The following FOXN4 variants were observed in gnomAD, a reference collection of about 807,000 sequenced individuals.
The protein encoded by FOXN4 is forkhead box protein N4.
In FOXN4, 12 loss-of-function variants were observed where a neutral mutation model predicts 45.0. The observed-to-expected ratio is 0.27, with a 90% CI of 0.17 to 0.43. The LOEUF (loss-of-function observed/expected upper bound fraction) is 0.43, where lower values mean the gene tolerates loss of function less well. FOXN4 is among the 20% of genes least tolerant of loss of function. The probability of loss-of-function intolerance (pLI) is 1.00; values close to 1 mark genes in which losing one functional copy is unlikely to be tolerated. For missense variants in FOXN4, 560 were observed against 694.9 expected, an observed-to-expected ratio of 0.81 and a Z score of 2.18; for synonymous variants, 297 against 295.0, an observed-to-expected ratio of 1.01 and a Z score of -0.07.
chr12:109,279,629 C>A lies in FOXN4; in HGVS notation c.*42G>T. 2 of 1,556,296 alleles carry A rather than the reference C, an allele frequency of 1.3e-6. No homozygotes were observed. The highest frequency in any genetic ancestry group is 1.2e-5 in the South Asian group (1 of 84,194). Reference sequence around the variant, plus strand: ...ACCCTGTTCTAGTCAGTTCTCTGCCCAAGCCGGGTGCCGGGGTTCCAGGGC... The same window carrying A: ...ACCCTGTTCTAGTCAGTTCTCTGCCAAAGCCGGGTGCCGGGGTTCCAGGGC... On this transcript the variant is annotated 3_prime_UTR_variant, in exon 10 of 10. Transcript: ENST00000299162.
At chr12:109,297,249 A>C (rs1366694288) in intron 2 of FOXN4, among the ~76,000 whole-genome samples, 1 of 152,278 alleles carries the variant, frequency 6.6e-6, no homozygotes, top group Non-Finnish European at 1.5e-5. Context: ...TCAGATCAGC[A>C]GCGGCATTAG....
intron 2 of FOXN4, among the ~76,000 whole-genome samples, chr12:109,299,963 T>A (rs2047854935): frequency 6.6e-6 from 1 of 152,222 alleles, no homozygotes; most frequent in Non-Finnish European, 1.5e-5. Context: ...GGCCTAGATC[T>A]GGCCACTTAG....
chr12:109,309,268 T>C lies in FOXN4; in HGVS notation c.-153A>G, dbSNP rs1435929420. On this transcript the variant is annotated 5_prime_UTR_variant, in exon 1 of 10. Transcript: ENST00000299162. The surrounding 1 kb of genome is among the most constrained non-coding windows in gnomAD (Gnocchi z 5.0). ...GTTTTTAAATTTCCCTCTCTGGAGCTGTCCAGCTCAGAGCATGCGCAGTAG... is the reference window on the plus strand; with the variant it reads ...GTTTTTAAATTTCCCTCTCTGGAGCCGTCCAGCTCAGAGCATGCGCAGTAG... 6.6e-6 allele frequency: 1 copy of C among 152,174 alleles called. No homozygotes were observed. The highest frequency in any genetic ancestry group is 2.4e-5 in the African/African-American group (1 of 41,438). The allele number at this position is 152,174 out of a possible 1,614,324, so 9.4% of individuals were successfully genotyped here.
Position 109,287,640 on chromosome 12 carries a change from G to T in FOXN4, c.469-116C>A. 1 of 1,346,754 alleles carries T rather than the reference G, an allele frequency of 7.4e-7. No individual in the cohort carries two copies. Among genetic ancestry groups the T allele is most frequent in the Non-Finnish European group, 9.9e-7 (1 of 1,006,406 alleles). The allele number at this position is 1,346,754 out of a possible 1,614,324, so 83.4% of individuals were successfully genotyped here. On this transcript the variant is annotated intron_variant, in intron 5 of 9. Coordinates refer to ENST00000299162, the MANE Select transcript of FOXN4 (RefSeq NM_213596.3). The surrounding 1 kb of genome is among the most constrained non-coding windows in gnomAD (Gnocchi z 4.1). The stretch of plus-strand genomic sequence containing the variant: ...CCAGTTTCAAAACACCTTGTGTGGG[G>T]ATTCACAACCGTCCAGGAAACAATC...
chr12:109,287,251 T>C lies in FOXN4; in HGVS notation c.596+146A>G. 1 of 1,121,588 alleles carries C rather than the reference T, an allele frequency of 8.9e-7. No individual in the cohort carries two copies. The highest frequency in any genetic ancestry group is 1.3e-6 in the Non-Finnish European group (1 of 796,026). 69.5% of individuals were successfully genotyped at this position (1,121,588 alleles called of 1,614,324 possible). A position where few individuals can be genotyped will look rare whatever the true frequency, so the allele number is the denominator to read the frequency against. ...TATGATGCGCCTTCCTGAGAACAAG[T>C]CCCACCTGGGGGTTCCCCACTCCCC... is the stretch of plus-strand genomic sequence containing the variant. On this transcript the variant is annotated intron_variant, in intron 6 of 9. Transcript: ENST00000299162. This position sits in a 1 kb window ranked among gnomAD's most constrained non-coding sequence, Gnocchi z 4.1.
At position 109,279,892 on chromosome 12, in the gene FOXN4, A is replaced by G. The variant is rs10774641; in HGVS notation, c.1333T>C (p.Leu445=). The G allele has an allele frequency of 0.44, 702,293 of 1,613,654 alleles. 157,414 individuals carry two copies. The highest frequency in any genetic ancestry group is 0.46 in the Non-Finnish European group (546,846 of 1,179,746). ...TCTGCAAAGGCGCCCAGTGTGTCCA[A>G]GCTGAATCCCTCATCCTTCATCTCC... ...WEEMKDEGFS[L]DTLGAFADSP... The change falls in exon 10 of 10, where the codon TTG becomes CTG. Residue 445 remains leucine (L), a synonymous_variant. Coordinates refer to ENST00000299162, the MANE Select transcript of FOXN4 (RefSeq NM_213596.3).
In FOXN4 at chr12:109,279,846, A is replaced by G. The variant is rs1461397219; in HGVS notation, c.1379T>C (p.Leu460Pro). 2 of 1,613,886 alleles carry G rather than the reference A, an allele frequency of 1.2e-6. No individual in the cohort carries two copies. The highest frequency in any genetic ancestry group is 1.1e-5 in the South Asian group (1 of 91,046). Residue 460 changes from leucine to proline, a missense_variant, in exon 10 of 10, where the codon CTG becomes CCG. Transcript: ENST00000299162. ...GGCAGGGGTTAGGCCTGAGGCCCCC[A>G]GGTCACAGCCAAGCGGGGAGTCTGC... ...AFADSPLGCD[L>P]GASGLTPASG...
intron 8 of FOXN4, 71 bp downstream of exon 8, chr12:109,285,233 C>A: frequency 6.8e-7 from 1 of 1,481,004 alleles, no homozygotes; most frequent in Non-Finnish European, 9.1e-7. Context: ...TCGGCCAGGT[C>A]CTTCCTCTTC....
At chr12:109,283,788 A>G (rs1555241743) in intron 8 of FOXN4, among the ~76,000 whole-genome samples, 1 of 152,174 alleles carries the variant, frequency 6.6e-6, no homozygotes, top group Non-Finnish European at 1.5e-5. Flanking sequence ...ACATTTATTT[A>G]TGTTCCAAAA....
chr12:109,296,713 C>T (rs2047821021), intron 2 of FOXN4, among the ~76,000 whole-genome samples: 1 of 152,188 alleles, frequency 6.6e-6, no homozygotes, highest in African/African-American at 2.4e-5. Context: ...AGGAGCCAAA[C>T]TCCCAGTGCC....
intron 2 of FOXN4, among the ~76,000 whole-genome samples, chr12:109,307,713 C>T (rs765524650): frequency 1.3e-5 from 2 of 152,160 alleles, no homozygotes; most frequent in African/African-American, 2.4e-5. Context: ...CTAGAAGAAA[C>T]CTTAAGATCA....
chr12:109,304,234 A>T (rs1436776769), intron 2 of FOXN4, among the ~76,000 whole-genome samples: 2 of 57,358 alleles, frequency 3.5e-5, no homozygotes, highest in African/African-American at 1.5e-4. Flanking sequence ...AAAGAAAGAA[A>T]GAAAGAAAGA....
intron 7 of FOXN4, 44 bp from the exon 8 acceptor site, chr12:109,285,555 T>TC: frequency 1.9e-6 from 3 of 1,605,680 alleles, no homozygotes; most frequent in Middle Eastern, 1.6e-4. Context: ...TGTAAGCCCT[T>TC]CCCCCTACCC....
intron 2 of FOXN4, among the ~76,000 whole-genome samples, chr12:109,297,901 T>C (rs569842064): frequency 6.6e-6 from 1 of 152,130 alleles, no homozygotes; most frequent in East Asian, 1.9e-4. Flanking sequence ...ATCAGCCACG[T>C]TTGAAGTGCT....
chr12:109,288,302 T>A lies in FOXN4; in HGVS notation c.233-122A>T. On this transcript the variant is annotated intron_variant, in intron 3 of 9. Transcript: ENST00000299162. The surrounding 1 kb of genome is among the most constrained non-coding windows in gnomAD (Gnocchi z 4.3). Reference sequence around the variant, plus strand: ...AGCCCCTTTCCTCGGACCAGGCACATAGTAGGTGCTTGGCAAATCACTTCC... The same window carrying A: ...AGCCCCTTTCCTCGGACCAGGCACAAAGTAGGTGCTTGGCAAATCACTTCC... 3.7e-6 allele frequency: 5 copies of A among 1,353,900 alleles called. No individual in the cohort carries two copies. Among genetic ancestry groups the A allele is most frequent in the Non-Finnish European group, 4.9e-6 (5 of 1,015,330 alleles). The allele number at this position is 1,353,900 out of a possible 1,614,324, so 83.9% of individuals were successfully genotyped here.
At chr12:109,301,036 G>A (rs1467473797) in intron 2 of FOXN4, among the ~76,000 whole-genome samples, 1 of 152,206 alleles carries the variant, frequency 6.6e-6, no homozygotes, top group African/African-American at 2.4e-5. Context: ...TGGAGTCCAT[G>A]GCTTCCATCC....
chr12:109,301,652 G>A (rs1030188549), intron 2 of FOXN4, among the ~76,000 whole-genome samples: 2 of 152,218 alleles, frequency 1.3e-5, no homozygotes, highest in African/African-American at 2.4e-5. Context: ...GATCTCTCCT[G>A]CAAGAGGCCC....
chr12:109,289,532 T>C (rs1002190608), intron 3 of FOXN4, among the ~76,000 whole-genome samples: 2 of 152,234 alleles, frequency 1.3e-5, no homozygotes, highest in African/African-American at 4.8e-5. Flanking sequence ...TATTGTTTTG[T>C]CACTGTTTTG....
At chr12:109,285,019 G>A (rs1181938397) in intron 8 of FOXN4, among the ~76,000 whole-genome samples, 2 of 149,228 alleles carry the variant, frequency 1.3e-5, no homozygotes, top group Non-Finnish European at 1.5e-5. Context: ...GTGCATTTGT[G>A]TGCACAGGTG....
Sources: gnomAD v4.1 joint callset for allele counts (sites outside exome capture counted in the v4.1 genomes callset) on GRCh38, gnomAD v4.1.1 for gene constraint, Gnocchi (gnomAD v3.1) non-coding constraint, MANE v1.5 for transcripts, NCBI Gene and HGNC (gene_info 2026-07-23, HGNC 2026-07-21) for gene names.